GRHL2: variants seen among roughly 807,000 people sequenced by gnomAD.
The protein encoded by GRHL2 is grainyhead-like protein 2 homolog.
Under a neutral mutation model 83.8 loss-of-function variants are expected in GRHL2, and 21 were observed. That is an observed-to-expected ratio of 0.25 (90% CI 0.18 to 0.36). The LOEUF is 0.36. Ranked by LOEUF, GRHL2 falls within the 10% of genes least tolerant of loss-of-function variation. The pLI is 1.00. For missense variants in GRHL2, 623 were observed against 781.8 expected (o/e 0.80, Z 2.42); for synonymous variants, 280 against 278.9 (o/e 1.00, Z -0.04).
chr8:101,558,510 C>G lies in GRHL2; in HGVS notation c.376C>G (p.Leu126Val), dbSNP rs760549817. The change falls in exon 4 of 16, where the codon CTA (leucine) becomes GTA (valine). Residue 126 changes from leucine (L) to valine (V), a missense_variant. Leu to Val is a conservative substitution (Grantham distance 32). Transcript: ENST00000646743. ...VLKTVPVNLSLNQDHLENSKR... is the reference protein window; with the variant it reads ...VLKTVPVNLSVNQDHLENSKR... ...AAAGACTGTTCCAGTGAACCTTTCC[C>G]TAAATCAAGATCACCTGGAGAATTC... 4 of 1,614,154 alleles carry G rather than the reference C, an allele frequency of 2.5e-6. No individual in the cohort carries two copies. The South Asian group carries it at 3.3e-5, about 13-fold the overall frequency.
chr8:101,596,442 C>T (rs10102534), intron 7 of GRHL2, among the ~76,000 whole-genome samples: 29,680 of 151,892 alleles, frequency 0.2, 3,620 homozygotes, highest in African/African-American at 0.35. Flanking sequence ...TATATATTAA[C>T]GAAATATAAT....
chr8:101,602,814 G>C (rs978705914), intron 8 of GRHL2, among the ~76,000 whole-genome samples: 3 of 152,184 alleles, frequency 2.0e-5, no homozygotes, highest in Admixed American at 2.0e-4. Context: ...ATGCAGTTTA[G>C]CTCTTCACTG....
At chr8:101,534,129 T>G (rs1470333304) in intron 1 of GRHL2, among the ~76,000 whole-genome samples, 1 of 152,218 alleles carries the variant, frequency 6.6e-6, no homozygotes, top group East Asian at 1.9e-4. Flanking sequence ...TCTATTCCTG[T>G]GTAACATACT....
intron 1 of GRHL2, among the ~76,000 whole-genome samples, chr8:101,493,563 C>G (rs1810020445): frequency 6.6e-6 from 1 of 152,132 alleles, no homozygotes; most frequent in Non-Finnish European, 1.5e-5. Context: ...CGGCGGGGCG[C>G]GAAGGGGCGC....
At position 101,669,696 on chromosome 8, in the gene GRHL2, AAAAAT is replaced by A. The variant is rs1814169956; in HGVS notation, c.*2997_*3001del. ...TATTTTTTGTACATTTTTAAGGAGA[AAAAAT>A]AAATATTCATAACATAAGAGTAAAA... On this transcript the variant is annotated 3_prime_UTR_variant, in exon 16 of 16. Transcript: ENST00000646743. 6.6e-6 allele frequency: 1 copy of A among 152,270 alleles called. No homozygotes were observed. The highest frequency in any genetic ancestry group is 2.4e-5 in the African/African-American group (1 of 41,442). The allele number at this position is 152,270 out of a possible 1,614,324, so 9.4% of individuals were successfully genotyped here.
At chr8:101,516,505 T>C (rs1328401836) in intron 1 of GRHL2, among the ~76,000 whole-genome samples, 3 of 147,754 alleles carry the variant, frequency 2.0e-5, no homozygotes, top group African/African-American at 7.4e-5. Context: ...GCAACCTCGA[T>C]CTCCCAGGCT....
intron 4 of GRHL2, among the ~76,000 whole-genome samples, chr8:101,563,804 G>C (rs989129317): frequency 6.6e-6 from 1 of 151,868 alleles, no homozygotes; most frequent in Admixed American, 6.6e-5. Context: ...TTGCTCTTAA[G>C]TAGTGAGGGG....
At chr8:101,530,274 A>G (rs757322261) in intron 1 of GRHL2, among the ~76,000 whole-genome samples, 1 of 152,100 alleles carries the variant, frequency 6.6e-6, no homozygotes, top group African/African-American at 2.4e-5. Context: ...TTTCTTTTCC[A>G]TATTGGCTGT....
intron 15 of GRHL2, among the ~76,000 whole-genome samples, 184 bp from the exon 16 acceptor site, chr8:101,666,405 C>T (rs1814058465): frequency 6.6e-6 from 1 of 152,080 alleles, no homozygotes; most frequent in African/African-American, 2.4e-5. Flanking sequence ...TTTCCTCAAA[C>T]TAGTTTTTGG....
intron 1 of GRHL2, among the ~76,000 whole-genome samples, chr8:101,493,777 A>G (rs1015087150): frequency 1.3e-5 from 2 of 151,962 alleles, no homozygotes; most frequent in Non-Finnish European, 2.9e-5. Context: ...CGTCCCGGAC[A>G]GGCACTCCAG....
intron 9 of GRHL2, among the ~76,000 whole-genome samples, chr8:101,625,325 G>A (rs628082): frequency 0.97 from 147,933 of 152,074 alleles, 72,074 homozygotes; most frequent in Middle Eastern, 1. Context: ...ATTATTTTAC[G>A]TTATAGTGTT....
chr8:101,560,808 A>G (rs1398148806), intron 4 of GRHL2, among the ~76,000 whole-genome samples: 1 of 152,134 alleles, frequency 6.6e-6, no homozygotes, highest in Non-Finnish European at 1.5e-5. Context: ...TCTTTTGTGA[A>G]GTGTCTATTC....
intron 8 of GRHL2, among the ~76,000 whole-genome samples, chr8:101,601,947 A>C (rs1408760094): frequency 1.3e-5 from 2 of 152,144 alleles, no homozygotes; most frequent in Non-Finnish European, 2.9e-5. Flanking sequence ...TGCATGCATT[A>C]GGTATTTGTC....
At chr8:101,559,913 T>G (rs1025182520) in intron 4 of GRHL2, among the ~76,000 whole-genome samples, 2 of 152,218 alleles carry the variant, frequency 1.3e-5, no homozygotes, top group African/African-American at 2.4e-5. Flanking sequence ...TATCTAAAAT[T>G]TCATGTAAAT....
At chr8:101,527,943 C>A (rs996227135) in intron 1 of GRHL2, among the ~76,000 whole-genome samples, 2 of 152,074 alleles carry the variant, frequency 1.3e-5, no homozygotes, top group African/African-American at 4.8e-5. Context: ...AAGTTTTTTC[C>A]CAGTATTTGT....
intron 8 of GRHL2, among the ~76,000 whole-genome samples, chr8:101,609,264 T>C (rs568403965): frequency 6.6e-6 from 1 of 150,674 alleles, no homozygotes; most frequent in Non-Finnish European, 1.5e-5. Context: ...CAAAGTCCAA[T>C]GGTTTAGGCA....
intron 8 of GRHL2, among the ~76,000 whole-genome samples, chr8:101,613,862 T>C (rs1812803183): frequency 6.6e-6 from 1 of 151,084 alleles, no homozygotes; most frequent in Admixed American, 6.6e-5. Flanking sequence ...TTTTTTTCAG[T>C]CTCGATTATC....
At chr8:101,633,859 T>G (rs1586159364) in intron 11 of GRHL2, among the ~76,000 whole-genome samples, 1 of 152,278 alleles carries the variant, frequency 6.6e-6, no homozygotes, top group East Asian at 1.9e-4. Context: ...GTTCTTATTG[T>G]TTAGTTTACT....
At position 101,561,179 on chromosome 8, in the gene GRHL2, T is replaced by C. The variant is rs971047945; in HGVS notation, c.678+2367T>C. On this transcript the variant is annotated intron_variant, in intron 4 of 15. Coordinates refer to ENST00000646743, the MANE Select transcript of GRHL2 (RefSeq NM_024915.4). ...AATTTTTTTTTTTTTACTTTTTAAA[T>C]GGTTTTATGTGCAAATAATGAACAG... 3.3e-5 allele frequency among the ~76,000 whole-genome samples: 5 copies of C among 152,108 alleles called. No homozygotes were observed. The East Asian group carries it at 5.8e-4, about 18-fold the overall frequency.
Sources: gnomAD v4.1 joint callset for allele counts (sites outside exome capture counted in the v4.1 genomes callset) on GRCh38, gnomAD v4.1.1 for gene constraint, MANE v1.5 for transcripts, NCBI Gene and HGNC (gene_info 2026-07-23, HGNC 2026-07-21) for gene names.